The following OR1J2 variants were observed in gnomAD, a reference collection of about 807,000 sequenced individuals.
OR1J2 encodes the protein olfactory receptor family 1 subfamily J member 2.
For missense variants in OR1J2, 304 were observed against 246.1 expected (o/e 1.24, Z -1.57); for synonymous variants, 142 against 99.7 (o/e 1.42, Z -2.52).
the OR1J2 span, among the ~76,000 whole-genome samples, chr9:122,457,628 A>C: frequency 6.6e-6 from 1 of 152,182 alleles, no homozygotes; most frequent in Non-Finnish European, 1.5e-5. Flanking sequence ...TATTGGACTT[A>C]CTAGTGAAAG....
the OR1J2 span, among the ~76,000 whole-genome samples, chr9:122,551,854 A>G: frequency 1.1e-3 from 171 of 152,146 alleles, no homozygotes; most frequent in African/African-American, 4.1e-3. Flanking sequence ...CGAGCCATAC[A>G]CTTCAGGTAT....
chr9:122,529,356 G>T, the OR1J2 span, among the ~76,000 whole-genome samples: 5 of 152,338 alleles, frequency 3.3e-5, no homozygotes, highest in Admixed American at 2.6e-4. Context: ...CAGCAAGCAA[G>T]TCCTTTCATT....
the OR1J2 span, chr9:122,553,774 T>C: frequency 1.2e-6 from 2 of 1,614,100 alleles, no homozygotes; most frequent in Non-Finnish European, 1.7e-6. Context: ...AGTGCTCTCC[T>C]GAAGCTTGCC....
the OR1J2 span, among the ~76,000 whole-genome samples, chr9:122,482,996 A>G: frequency 6.6e-6 from 1 of 152,198 alleles, no homozygotes; most frequent in Non-Finnish European, 1.5e-5. Context: ...AAAGAGCTAG[A>G]AGAGAGGATT....
the OR1J2 span, among the ~76,000 whole-genome samples, chr9:122,560,452 C>T: frequency 6.6e-6 from 1 of 152,126 alleles, no homozygotes; most frequent in Admixed American, 6.6e-5. Context: ...GGTGTTTTTG[C>T]AGTGGCTGGT....
At chr9:122,578,966 A>G in the OR1J2 span, among the ~76,000 whole-genome samples, 2 of 95,684 alleles carry the variant, frequency 2.1e-5, no homozygotes, top group African/African-American at 3.7e-5. Context: ...TCTGAAAAAT[A>G]AATCTCAGAA....
the OR1J2 span, among the ~76,000 whole-genome samples, chr9:122,459,558 C>T: frequency 6.6e-6 from 1 of 152,288 alleles, no homozygotes; most frequent in East Asian, 1.9e-4. Context: ...CCCTTTTTAA[C>T]CAATAAAAGC....
chr9:122,483,533 A>G, the OR1J2 span, among the ~76,000 whole-genome samples: 1 of 152,242 alleles, frequency 6.6e-6, no homozygotes, highest in Admixed American at 6.5e-5. Flanking sequence ...GAACAACACT[A>G]TATATTATTT....
chr9:122,553,822 C>T, the OR1J2 span: 3 of 1,613,866 alleles, frequency 1.9e-6, no homozygotes, highest in Admixed American at 3.3e-5. Context: ...ATGATCATCA[C>T]CATGGGCTTG....
At chr9:122,490,328 G>A in the OR1J2 span, among the ~76,000 whole-genome samples, 3 of 152,114 alleles carry the variant, frequency 2.0e-5, no homozygotes, top group African/African-American at 4.8e-5. Flanking sequence ...GGTGGTGAGT[G>A]TAAATATATA....
At chr9:122,477,726 G>A in the OR1J2 span, 1 of 1,614,162 alleles carries the variant, frequency 6.2e-7, no homozygotes, top group African/African-American at 1.3e-5. Context: ...TGTCAGTGAG[G>A]GCCAAGTGGC....
At chr9:122,569,453 A>G in the OR1J2 span, among the ~76,000 whole-genome samples, 2 of 77,900 alleles carry the variant, frequency 2.6e-5, no homozygotes, top group African/African-American at 1.0e-4. Context: ...AAACTCTGCA[A>G]TGAGAATTTT....
At chr9:122,540,197 G>A in the OR1J2 span, among the ~76,000 whole-genome samples, 113,912 of 150,158 alleles carry the variant, frequency 0.76, 43,836 homozygotes, top group East Asian at 1. Flanking sequence ...GCCCATGCCT[G>A]TGTCCTGAAT....
chr9:122,469,055 C>T, the OR1J2 span, among the ~76,000 whole-genome samples: 457 of 152,282 alleles, frequency 3.0e-3, no homozygotes, highest in African/African-American at 0.01. Flanking sequence ...GCTGTGCAGT[C>T]GTGACTTCCT....
At chr9:122,541,272 A>T in the OR1J2 span, among the ~76,000 whole-genome samples, 1 of 152,178 alleles carries the variant, frequency 6.6e-6, no homozygotes, top group Non-Finnish European at 1.5e-5. Flanking sequence ...CTAAGCTGGC[A>T]GTAGATAAAA....
At chr9:122,522,696 T>C in the OR1J2 span, among the ~76,000 whole-genome samples, 5 of 152,200 alleles carry the variant, frequency 3.3e-5, no homozygotes, top group Admixed American at 3.3e-4. Flanking sequence ...CTTTATTTTA[T>C]AGATTGTGCC....
At chr9:122,560,015 T>C in the OR1J2 span, among the ~76,000 whole-genome samples, 3 of 152,332 alleles carry the variant, frequency 2.0e-5, no homozygotes, top group Non-Finnish European at 4.4e-5. Flanking sequence ...GGTGCTCCTG[T>C]ATTGGGTGCA....
At chr9:122,508,816 A>G (rs1462809334), upstream of OR1J2, among the ~76,000 whole-genome samples, 1 of 152,186 alleles carries the variant, frequency 6.6e-6, no homozygotes, top group Non-Finnish European at 1.5e-5. Context: ...AAACCTCACA[A>G]ATGTTATTAT....
chr9:122,550,625 A>G, the OR1J2 span, among the ~76,000 whole-genome samples: 2 of 152,114 alleles, frequency 1.3e-5, no homozygotes, highest in Admixed American at 6.5e-5. Flanking sequence ...GATTCACCAC[A>G]TAAACAGAAT....
Sources: allele counts gnomAD v4.1 joint callset (sites outside exome capture counted in the v4.1 genomes callset), GRCh38; gene constraint gnomAD v4.1.1; transcripts MANE v1.5; gene names NCBI Gene and HGNC (gene_info 2026-07-23, HGNC 2026-07-21).